SLC24A2: variants seen among roughly 807,000 people sequenced by gnomAD.
SLC24A2 encodes the protein sodium/potassium/calcium exchanger 2.
A neutral mutation model predicts 62.0 loss-of-function variants in SLC24A2; 36 were observed. The observed-to-expected ratio is 0.58, with a 90% CI of 0.44 to 0.77. The LOEUF (loss-of-function observed/expected upper bound fraction) is 0.77, where lower values mean the gene tolerates loss of function less well. SLC24A2 is among the 30% of genes least tolerant of loss of function. SLC24A2 has a pLI of 0.00. For missense variants in SLC24A2, 846 were observed against 817.9 expected, an observed-to-expected ratio of 1.03 and a Z score of -0.42; for synonymous variants, 358 against 294.0, an observed-to-expected ratio of 1.22 and a Z score of -2.23.
chr9:20,230,186 A>G, the SLC24A2 span, among the ~76,000 whole-genome samples: 1 of 152,142 alleles, frequency 6.6e-6, no homozygotes, highest in Non-Finnish European at 1.5e-5. Context: ...TAGTGCCACT[A>G]TAAACATACG....
the SLC24A2 span, among the ~76,000 whole-genome samples, chr9:20,189,130 C>T: frequency 3.6e-5 from 5 of 140,598 alleles, no homozygotes; most frequent in African/African-American, 1.3e-4. Context: ...CAGGAGAAAA[C>T]ATGCTTCCTT....
At chr9:19,564,066 G>A (rs1171248077) in intron 7 of SLC24A2, among the ~76,000 whole-genome samples, 1 of 151,860 alleles carries the variant, frequency 6.6e-6, no homozygotes, top group African/African-American at 2.4e-5. Context: ...ATGTTGCCCA[G>A]GCTAGTCTCA....
the SLC24A2 span, among the ~76,000 whole-genome samples, chr9:19,873,759 T>C: frequency 6.6e-6 from 1 of 152,056 alleles, no homozygotes; most frequent in South Asian, 2.1e-4. Context: ...CCCATAGTAA[T>C]GGTGGGGAAG....
intron 2 of SLC24A2, among the ~76,000 whole-genome samples, chr9:19,751,590 A>C (rs1182673): frequency 0.34 from 51,265 of 151,876 alleles, 9,189 homozygotes; most frequent in African/African-American, 0.46. Flanking sequence ...GGGAGAAAGG[A>C]GAGAAACCAA....
the SLC24A2 span, among the ~76,000 whole-genome samples, chr9:20,099,135 A>G: frequency 6.6e-6 from 1 of 152,246 alleles, no homozygotes; most frequent in Non-Finnish European, 1.5e-5. Flanking sequence ...TCAAAGCATG[A>G]TAATAACATG....
At chr9:20,263,250 CT>C in the SLC24A2 span, among the ~76,000 whole-genome samples, 1 of 152,110 alleles carries the variant, frequency 6.6e-6, no homozygotes, top group Non-Finnish European at 1.5e-5. Flanking sequence ...GAATCCTTTT[CT>C]TTTTGGTGGA....
the SLC24A2 span, among the ~76,000 whole-genome samples, chr9:19,823,095 G>C: frequency 6.6e-6 from 1 of 152,064 alleles, no homozygotes; most frequent in Non-Finnish European, 1.5e-5. Context: ...CCAAAGACCA[G>C]ATCTGCCATA....
chr9:19,751,870 A>G (rs572300458), intron 2 of SLC24A2, among the ~76,000 whole-genome samples: 1 of 152,292 alleles, frequency 6.6e-6, no homozygotes, highest in East Asian at 1.9e-4. Context: ...AAGAGATAGA[A>G]GAAGACTTGG....
chr9:19,811,913 T>C, the SLC24A2 span, among the ~76,000 whole-genome samples: 1 of 152,158 alleles, frequency 6.6e-6, no homozygotes, highest in Non-Finnish European at 1.5e-5. Flanking sequence ...AATAGTTTTC[T>C]TTCGGGCTGA....
chr9:20,169,794 C>T, the SLC24A2 span, among the ~76,000 whole-genome samples: 2 of 151,930 alleles, frequency 1.3e-5, no homozygotes, highest in African/African-American at 4.8e-5. Context: ...CCCAAAAAAT[C>T]ACACTAGGTC....
the SLC24A2 span, among the ~76,000 whole-genome samples, chr9:19,856,811 C>T: frequency 0.025 from 3,738 of 152,242 alleles, 145 homozygotes; most frequent in African/African-American, 0.084. Context: ...TCTGGCTGCC[C>T]CATGGTGGAT....
At position 19,513,751 on chromosome 9, in the gene SLC24A2, A is replaced by G. The variant is rs1226366949; in HGVS notation, c.*2402T>C. ...GTCACCTATTTAAACCTTATTTCAA[A>G]CAACGCACCAGTCAATAATATAAAA... On this transcript the variant is annotated 3_prime_UTR_variant, in exon 11 of 11. Transcript: ENST00000341998. 13 of 152,192 alleles carry G rather than the reference A, an allele frequency of 8.5e-5. No homozygotes were observed. The highest frequency in any genetic ancestry group is 2.9e-5 in the Non-Finnish European group (2 of 68,038). 9.4% of individuals were successfully genotyped at this position (152,192 alleles called of 1,614,324 possible).
At chr9:19,701,540 G>T (rs1362566859) in intron 2 of SLC24A2, among the ~76,000 whole-genome samples, 1 of 152,090 alleles carries the variant, frequency 6.6e-6, no homozygotes, top group Non-Finnish European at 1.5e-5. Context: ...GAGGCCTAAG[G>T]AAACATGAAT....
At chr9:20,010,508 G>A in the SLC24A2 span, among the ~76,000 whole-genome samples, 1 of 151,826 alleles carries the variant, frequency 6.6e-6, no homozygotes, top group Non-Finnish European at 1.5e-5. Flanking sequence ...GTAAAATTTG[G>A]AAAACAATTC....
intron 2 of SLC24A2, among the ~76,000 whole-genome samples, chr9:19,638,818 G>A (rs1818421475): frequency 6.6e-6 from 1 of 151,820 alleles, no homozygotes; most frequent in African/African-American, 2.4e-5. Context: ...TAAAATTCCT[G>A]GATCCCTACA....
the SLC24A2 span, among the ~76,000 whole-genome samples, chr9:19,872,205 C>A: frequency 6.6e-6 from 1 of 152,150 alleles, no homozygotes; most frequent in Non-Finnish European, 1.5e-5. Context: ...TAGGAACATG[C>A]ATTGTTTAGA....
At chr9:19,838,250 T>C in the SLC24A2 span, among the ~76,000 whole-genome samples, 1 of 152,050 alleles carries the variant, frequency 6.6e-6, no homozygotes, top group Non-Finnish European at 1.5e-5. Flanking sequence ...AACAGAGCCC[T>C]CAGAAATAAT....
the SLC24A2 span, among the ~76,000 whole-genome samples, chr9:20,007,305 C>T: frequency 6.6e-6 from 1 of 152,114 alleles, no homozygotes; most frequent in African/African-American, 2.4e-5. Context: ...GAAGTGGCTG[C>T]TGGTAATGCT....
chr9:20,100,875 G>C, the SLC24A2 span, among the ~76,000 whole-genome samples: 1 of 151,866 alleles, frequency 6.6e-6, no homozygotes, highest in Non-Finnish European at 1.5e-5. Context: ...TTTTATCTTG[G>C]AAAGAAGCAA....
Sources: gnomAD v4.1 joint callset for allele counts (sites outside exome capture counted in the v4.1 genomes callset) on GRCh38, gnomAD v4.1.1 for gene constraint, MANE v1.5 for transcripts, NCBI Gene and HGNC (gene_info 2026-07-23, HGNC 2026-07-21) for gene names.